Variants in MARCHF8 observed in about 807,000 individuals in gnomAD.
MARCHF8 encodes the protein E3 ubiquitin-protein ligase MARCHF8.
MARCHF8 carries 40 observed loss-of-function variants against 51.6 expected under a neutral mutation model. The observed-to-expected ratio is 0.77, with a 90% confidence interval of 0.60 to 1.01. The LOEUF is 1.01. Among genes scored for constraint, MARCHF8 ranks in the 50% least tolerant of loss-of-function variants. MARCHF8 has a pLI of 0.00. For missense variants in MARCHF8, 685 were observed against 708.6 expected, an observed-to-expected ratio of 0.97 and a Z score of 0.38; for synonymous variants, 263 against 280.3, an observed-to-expected ratio of 0.94 and a Z score of 0.62.
rs545546027 is a variant in MARCHF8, at chr10:45,578,932, G to C, written c.-79+15303C>G. On this transcript the variant is annotated intron_variant, in intron 1 of 6. Transcript: ENST00000319836. ...GGTTAACAAAGTACTCCAGATTAAA[G>C]GAGACTAAAGAAATATGATAATTTC... 3.3e-5 allele frequency among the ~76,000 whole-genome samples: 5 copies of C among 152,242 alleles called. No individual in the cohort carries two copies. The South Asian group carries it at 8.3e-4, about 25-fold the overall frequency.
chr10:45,564,346 C>CA (rs71023127), intron 1 of MARCHF8, among the ~76,000 whole-genome samples: 9,382 of 151,994 alleles, frequency 0.062, 328 homozygotes, highest in Non-Finnish European at 0.066. Flanking sequence ...AAAATTAAAA[C>CA]AAAAAATGCA....
intron 3 of MARCHF8, among the ~76,000 whole-genome samples, chr10:45,482,076 C>A (rs1473077901): frequency 6.6e-6 from 1 of 151,894 alleles, no homozygotes; most frequent in Non-Finnish European, 1.5e-5. Flanking sequence ...AATAGCTATA[C>A]AAAATAAAAT....
At chr10:45,497,745 T>C (rs1014059685) in intron 2 of MARCHF8, among the ~76,000 whole-genome samples, 1 of 152,000 alleles carries the variant, frequency 6.6e-6, no homozygotes, top group Admixed American at 6.6e-5. Context: ...TTCATAAAAA[T>C]GAAGTCACAA....
At chr10:45,557,254 G>GGA (rs2044262555) in intron 1 of MARCHF8, among the ~76,000 whole-genome samples, 1 of 149,298 alleles carries the variant, frequency 6.7e-6, no homozygotes, top group African/African-American at 2.5e-5. Context: ...TCAGCCTCCC[G>GGA]AGTAGCTGAG....
intron 2 of MARCHF8, among the ~76,000 whole-genome samples, chr10:45,492,567 G>C (rs566395786): frequency 6.6e-6 from 1 of 152,226 alleles, no homozygotes; most frequent in South Asian, 2.1e-4. Context: ...AAAGTGCTGG[G>C]ATTACAGGCG....
chr10:45,543,137 T>C (rs372571606), intron 1 of MARCHF8, among the ~76,000 whole-genome samples: 1 of 152,238 alleles, frequency 6.6e-6, no homozygotes, highest in East Asian at 1.9e-4. Context: ...CTTGATACTT[T>C]TACTCTCTTC....
chr10:45,531,493 A>G (rs73287389), intron 2 of MARCHF8, among the ~76,000 whole-genome samples: 3,754 of 152,292 alleles, frequency 0.025, 158 homozygotes, highest in African/African-American at 0.085. Context: ...TCTAGGGTTT[A>G]AAATTTATTA....
At chr10:45,561,540 C>G (rs964985947) in intron 1 of MARCHF8, among the ~76,000 whole-genome samples, 1 of 151,542 alleles carries the variant, frequency 6.6e-6, no homozygotes, top group Non-Finnish European at 1.5e-5. Context: ...TCCCAAAGTG[C>G]TGGCATTACA....
intron 2 of MARCHF8, among the ~76,000 whole-genome samples, chr10:45,507,694 G>A (rs891363252): frequency 2.6e-5 from 4 of 151,980 alleles, no homozygotes; most frequent in Non-Finnish European, 5.9e-5. Context: ...TATGAAATTT[G>A]GAGGGGACAA....
At chr10:45,495,767 G>A (rs1197076311) in intron 2 of MARCHF8, among the ~76,000 whole-genome samples, 1 of 130,848 alleles carries the variant, frequency 7.6e-6, no homozygotes, top group African/African-American at 2.8e-5. Flanking sequence ...GGAGGGGAGG[G>A]GATGCTAGGG....
At chr10:45,539,473 C>G (rs1283070475), upstream of MARCHF8, among the ~76,000 whole-genome samples, 1 of 152,064 alleles carries the variant, frequency 6.6e-6, no homozygotes, top group East Asian at 1.9e-4. Flanking sequence ...AAGAGCAAAG[C>G]AGAAGTGAAG....
At chr10:45,567,108 T>C (rs2044373415) in intron 1 of MARCHF8, among the ~76,000 whole-genome samples, 1 of 152,240 alleles carries the variant, frequency 6.6e-6, no homozygotes, top group Non-Finnish European at 1.5e-5. Flanking sequence ...CTTTTGCCCA[T>C]TTTTAATTGG....
At chr10:45,528,941 T>G (rs2043835102) in intron 2 of MARCHF8, among the ~76,000 whole-genome samples, 1 of 152,152 alleles carries the variant, frequency 6.6e-6, no homozygotes, top group Non-Finnish European at 1.5e-5. Context: ...AATACTAACA[T>G]TGTTTTTCAC....
chr10:45,539,779 A>G (rs921945235), upstream of MARCHF8, among the ~76,000 whole-genome samples: 1 of 152,198 alleles, frequency 6.6e-6, no homozygotes, highest in Non-Finnish European at 1.5e-5. Context: ...TTTGCAGATG[A>G]TATGATTGTA....
chr10:45,535,800 T>A (rs568316512), upstream of MARCHF8, among the ~76,000 whole-genome samples: 3 of 152,228 alleles, frequency 2.0e-5, no homozygotes, highest in African/African-American at 7.2e-5. Context: ...CTCAGCACTA[T>A]GCCTCACAAT....
chr10:45,468,963 T>C (rs978199712), intron 3 of MARCHF8, among the ~76,000 whole-genome samples: 4 of 152,126 alleles, frequency 2.6e-5, no homozygotes, highest in Non-Finnish European at 5.9e-5. Context: ...GCAATTCTTT[T>C]AGGAATTCAT....
intron 2 of MARCHF8, among the ~76,000 whole-genome samples, chr10:45,501,941 T>C (rs543575541): frequency 2.0e-5 from 3 of 152,232 alleles, no homozygotes; most frequent in African/African-American, 7.2e-5. Flanking sequence ...GAGATATTAC[T>C]ACACACCTAT....
intron 1 of MARCHF8, among the ~76,000 whole-genome samples, chr10:45,557,420 C>T (rs544017961): frequency 2.0e-5 from 3 of 152,146 alleles, no homozygotes; most frequent in African/African-American, 4.8e-5. Flanking sequence ...TGAGACACCA[C>T]GCCTGGCCCA....
At chr10:45,555,276 G>A (rs2044239359) in intron 1 of MARCHF8, among the ~76,000 whole-genome samples, 1 of 151,692 alleles carries the variant, frequency 6.6e-6, no homozygotes, top group Non-Finnish European at 1.5e-5. Context: ...GAATAACTGT[G>A]GCTGGGTAAA....
Sources: gnomAD v4.1 joint callset for allele counts (sites outside exome capture counted in the v4.1 genomes callset) on GRCh38, gnomAD v4.1.1 for gene constraint, MANE v1.5 for transcripts, NCBI Gene and HGNC (gene_info 2026-07-23, HGNC 2026-07-21) for gene names.